Variants in EEIG1 observed in about 807,000 individuals in gnomAD.
EEIG1 encodes the protein estrogen-induced osteoclastogenesis regulator 1, also known as early estrogen-induced gene 1 protein.
At chr9:127,969,236 T>C in the EEIG1 span, among the ~76,000 whole-genome samples, 1 of 152,218 alleles carries the variant, frequency 6.6e-6, no homozygotes, top group African/African-American at 2.4e-5. Flanking sequence ...GAGAGACGAA[T>C]GTGCCTAACA....
chr9:127,965,106 C>CAAAAAAAAAAAAAAAAAAA, the EEIG1 span, among the ~76,000 whole-genome samples: 1 of 69,724 alleles, frequency 1.4e-5, no homozygotes, highest in East Asian at 6.5e-4. Context: ...AAGACTGTCT[C>CAAAAAAAAAAAAAAAAAAA]AAAAAAAAAA....
the EEIG1 span, chr9:127,944,711 G>A: frequency 6.2e-7 from 1 of 1,612,390 alleles, no homozygotes; most frequent in Non-Finnish European, 8.5e-7. Flanking sequence ...GAGGATGGAG[G>A]CTGAGCGCGG....
the EEIG1 span, chr9:127,945,570 G>A: frequency 6.4e-7 from 1 of 1,562,632 alleles, no homozygotes; most frequent in Admixed American, 1.9e-5. This position sits in a 1 kb window ranked among gnomAD's most constrained non-coding sequence, Gnocchi z 6.5. Flanking sequence ...AGCCTGTCAG[G>A]GGCGACGCAG....
the EEIG1 span, among the ~76,000 whole-genome samples, chr9:127,947,591 G>A: frequency 6.6e-6 from 1 of 152,112 alleles, no homozygotes; most frequent in Admixed American, 6.6e-5. Flanking sequence ...GACGCAAACT[G>A]GCCAGTCAAA....
chr9:127,972,145 C>T, the EEIG1 span, among the ~76,000 whole-genome samples: 1 of 152,126 alleles, frequency 6.6e-6, no homozygotes, highest in Admixed American at 6.5e-5. This position sits in a 1 kb window ranked among gnomAD's most constrained non-coding sequence, Gnocchi z 4.3. Context: ...AAAAGCCCCT[C>T]AGCCCAGCCT....
At chr9:127,973,663 T>A in the EEIG1 span, among the ~76,000 whole-genome samples, 1 of 152,208 alleles carries the variant, frequency 6.6e-6, no homozygotes, top group Admixed American at 6.5e-5. The surrounding 1 kb of genome is among the most constrained non-coding windows in gnomAD (Gnocchi z 4.2). Flanking sequence ...CAGTATAGTC[T>A]GACCTCGCGG....
At chr9:127,956,646 G>A in the EEIG1 span, among the ~76,000 whole-genome samples, 2 of 151,814 alleles carry the variant, frequency 1.3e-5, no homozygotes, top group East Asian at 1.9e-4. Flanking sequence ...CCTGACCTCA[G>A]GTGATCTGCC....
the EEIG1 span, among the ~76,000 whole-genome samples, chr9:127,969,534 T>C: frequency 6.6e-6 from 1 of 152,034 alleles, no homozygotes; most frequent in South Asian, 2.1e-4. Flanking sequence ...CACCCAAGCA[T>C]CAAGGAGGAC....
the EEIG1 span, among the ~76,000 whole-genome samples, chr9:127,967,684 CAAGGCAT>C: frequency 6.6e-6 from 1 of 152,224 alleles, no homozygotes; most frequent in Admixed American, 6.5e-5. Flanking sequence ...GGCCTGCCCA[CAAGGCAT>C]TGGGAAGCAG....
the EEIG1 span, among the ~76,000 whole-genome samples, chr9:127,968,475 G>T: frequency 6.6e-6 from 1 of 152,084 alleles, no homozygotes; most frequent in Non-Finnish European, 1.5e-5. Context: ...TTCCCCTGTC[G>T]CAAGGATGGT....
At chr9:127,970,169 A>G in the EEIG1 span, among the ~76,000 whole-genome samples, 1 of 151,922 alleles carries the variant, frequency 6.6e-6, no homozygotes, top group African/African-American at 2.4e-5. Context: ...GCTGGAGTGC[A>G]GTGGCGCGAT....
the EEIG1 span, chr9:127,941,624 A>C: frequency 6.6e-6 from 1 of 152,238 alleles, no homozygotes; most frequent in Non-Finnish European, 1.5e-5. Flanking sequence ...GGGAGTTCCA[A>C]GACCAAGAAG....
chr9:127,952,564 T>A, the EEIG1 span, among the ~76,000 whole-genome samples: 1 of 152,186 alleles, frequency 6.6e-6, no homozygotes, highest in Non-Finnish European at 1.5e-5. Flanking sequence ...CTGGTAACAA[T>A]GCACATGTCC....
the EEIG1 span, chr9:127,943,086 T>A: frequency 1.0e-6 from 1 of 997,260 alleles, no homozygotes; most frequent in South Asian, 1.3e-5. Context: ...GAGGCATGGA[T>A]GAGATGTGGC....
chr9:127,953,943 C>T, the EEIG1 span: 2 of 1,612,954 alleles, frequency 1.2e-6, no homozygotes, highest in Non-Finnish European at 1.7e-6. Context: ...CCAGAGGCGA[C>T]AGGTGAGCAC....
chr9:127,941,997 G>A, the EEIG1 span: 2 of 152,668 alleles, frequency 1.3e-5, no homozygotes, highest in Non-Finnish European at 2.9e-5. Flanking sequence ...CAAGTTACAA[G>A]GACTTGGGGG....
At chr9:127,943,073 G>GA in the EEIG1 span, 2 of 886,710 alleles carry the variant, frequency 2.3e-6, no homozygotes, top group Non-Finnish European at 3.8e-6. Flanking sequence ...GGAGTGCATG[G>GA]AGGAGGCATG....
At chr9:127,947,852 C>T in the EEIG1 span, among the ~76,000 whole-genome samples, 1 of 152,130 alleles carries the variant, frequency 6.6e-6, no homozygotes, top group Non-Finnish European at 1.5e-5. Flanking sequence ...GGGGAGGCCA[C>T]ATCAGTCTCA....
chr9:127,961,376 A>G, the EEIG1 span, among the ~76,000 whole-genome samples: 1 of 152,086 alleles, frequency 6.6e-6, no homozygotes, highest in Non-Finnish European at 1.5e-5. Flanking sequence ...GATGCTTGTG[A>G]TGGGAGGTGG....
Sources: gnomAD v4.1 joint callset for allele counts (sites outside exome capture counted in the v4.1 genomes callset) on GRCh38, gnomAD v4.1.1 for gene constraint, Gnocchi (gnomAD v3.1) non-coding constraint, MANE v1.5 for transcripts, NCBI Gene and HGNC (gene_info 2026-07-23, HGNC 2026-07-21) for gene names.